The following CDYL2 variants were observed in gnomAD, a reference collection of about 807,000 sequenced individuals.
CDYL2 encodes chromodomain Y-like protein 2.
In CDYL2, 23 loss-of-function variants were observed where a neutral mutation model predicts 49.4. That is an observed-to-expected ratio of 0.47 (90% CI 0.34 to 0.66). The LOEUF (loss-of-function observed/expected upper bound fraction) is 0.66. Ranked by LOEUF, CDYL2 falls within the 30% of genes least tolerant of loss-of-function variation. The pLI is 0.01. For synonymous variants in CDYL2, 360 were observed against 268.8 expected (o/e 1.34, Z -3.32); for missense variants, 678 against 656.4 (o/e 1.03, Z -0.36).
intron 1 of CDYL2, among the ~76,000 whole-genome samples, chr16:80,802,401 T>G (rs1907953665): frequency 6.6e-6 from 1 of 152,216 alleles, no homozygotes; most frequent in South Asian, 2.1e-4. Context: ...CAGTACTGGT[T>G]ACACATAAGG....
chr16:80,663,960 A>G (rs970066087), intron 2 of CDYL2, among the ~76,000 whole-genome samples: 4 of 152,204 alleles, frequency 2.6e-5, no homozygotes, highest in Admixed American at 2.6e-4. Context: ...ATTAAAAGGA[A>G]CTTTTTCTAC....
In CDYL2 at chr16:80,620,778, A is replaced by G. The variant is rs1907044275; in HGVS notation, c.992T>C (p.Ile331Thr). 1.9e-6 allele frequency: 3 copies of G among 1,606,580 alleles called. No homozygotes were observed. The highest frequency in any genetic ancestry group is 2.6e-6 in the Non-Finnish European group (3 of 1,174,814). The change falls in exon 4 of 7, where the codon ATT becomes ACT. Residue 331 changes from isoleucine (I) to threonine (T), a missense_variant. This residue lies in a region of CDYL2 where 47 missense variants were observed against 78.8 expected (regional missense o/e 0.60). Transcript: ENST00000570137. ...SSDRRKESTR[I>T]AEAIRDFVKA... ...CACAGCTCACCTGATGGCTTCTGCA[A>G]TCCGAGTGCTCTCCTTTCGCCGGTC...
chr16:80,727,816 A>G (rs1033448985), intron 1 of CDYL2, among the ~76,000 whole-genome samples: 12 of 152,286 alleles, frequency 7.9e-5, no homozygotes, highest in Admixed American at 6.5e-4. Flanking sequence ...GCCTAACTGA[A>G]AGGCACCCCC....
intron 2 of CDYL2, among the ~76,000 whole-genome samples, chr16:80,656,081 T>A (rs1249457717): frequency 2.0e-5 from 3 of 152,150 alleles, no homozygotes; most frequent in Non-Finnish European, 4.4e-5. Context: ...ATATGAGAAA[T>A]GAGATTCAAT....
chr16:80,690,967 G>A (rs550494517), intron 1 of CDYL2, among the ~76,000 whole-genome samples: 3 of 152,252 alleles, frequency 2.0e-5, no homozygotes, highest in African/African-American at 7.2e-5. Flanking sequence ...GCAGACTGCT[G>A]AAGGGATATC....
intron 1 of CDYL2, among the ~76,000 whole-genome samples, chr16:80,759,162 A>ATATATATATATGGGTTT (rs1567597575): frequency 8.4e-6 from 1 of 118,518 alleles, no homozygotes; most frequent in African/African-American, 3.6e-5. Flanking sequence ...TATATGGTTT[A>ATATATATATATGGGTTT]TATATATATA....
At chr16:80,652,675 A>T (rs1319598972) in intron 2 of CDYL2, among the ~76,000 whole-genome samples, 5 of 152,202 alleles carry the variant, frequency 3.3e-5, no homozygotes, top group Non-Finnish European at 4.4e-5. Context: ...GTCACAGTCA[A>T]CATCAACAGT....
At chr16:80,675,190 C>G (rs1909692737) in intron 2 of CDYL2, among the ~76,000 whole-genome samples, 1 of 152,168 alleles carries the variant, frequency 6.6e-6, no homozygotes, top group South Asian at 2.1e-4. Context: ...AACCTGAATC[C>G]CTGAAGTACC....
intron 2 of CDYL2, among the ~76,000 whole-genome samples, chr16:80,663,741 C>G (rs929283377): frequency 5.3e-5 from 8 of 152,108 alleles, no homozygotes; most frequent in African/African-American, 1.9e-4. Context: ...TACAGGCACC[C>G]ACCACCACAC....
intron 2 of CDYL2, among the ~76,000 whole-genome samples, chr16:80,671,265 T>G (rs1909492175): frequency 1.3e-5 from 2 of 152,094 alleles, no homozygotes; most frequent in Non-Finnish European, 2.9e-5. Context: ...TGGTACAGAG[T>G]TACGGACAAG....
rs1906159435 is a variant in CDYL2 at position 80,752,148 on chromosome 16, T to C, written c.24+52002A>G. The stretch of plus-strand genomic sequence containing the variant: ...ACCAAAAAAACATAGTAACTGGAAT[T>C]AAGAACTCAATAGATAAGTTTAACA... On this transcript the variant is annotated intron_variant, in intron 1 of 6. Coordinates refer to ENST00000570137, the MANE Select transcript of CDYL2 (RefSeq NM_152342.4). Among the ~76,000 whole-genome samples, 4 of 152,052 alleles carry C rather than the reference T, an allele frequency of 2.6e-5. No individual in the cohort carries two copies. The East Asian group carries it at 7.7e-4, about 29-fold the overall frequency.
chr16:80,601,862 C>G lies in CDYL2; in HGVS notation c.*2526G>C, dbSNP rs1906101013. ...CCTTAGAAATGGTTTCACATTCCTA[C>G]CTTAATCTTCAGAGATCCTTGAAAT... On this transcript the variant is annotated 3_prime_UTR_variant, in exon 7 of 7. Transcript: ENST00000570137. 6.6e-6 allele frequency: 1 copy of G among 152,166 alleles called. No homozygotes were observed. The highest frequency in any genetic ancestry group is 1.9e-4 in the East Asian group (1 of 5,196). The allele number at this position is 152,166 out of a possible 1,614,324, so 9.4% of individuals were successfully genotyped here.
intron 1 of CDYL2, among the ~76,000 whole-genome samples, chr16:80,744,746 G>A (rs141126202): frequency 1.3e-5 from 2 of 152,186 alleles, no homozygotes; most frequent in Non-Finnish European, 2.9e-5. Context: ...CACAGCAAAG[G>A]AATTTTCTGG....
intron 1 of CDYL2, among the ~76,000 whole-genome samples, chr16:80,765,151 T>C (rs1335812688): frequency 7.2e-6 from 1 of 138,622 alleles, no homozygotes; most frequent in African/African-American, 2.7e-5. Context: ...TAGTACTATA[T>C]GTTATACAAT....
chr16:80,742,360 A>T (rs1567591769), intron 1 of CDYL2: 1 of 152,088 alleles, frequency 6.6e-6, no homozygotes, highest in Non-Finnish European at 1.5e-5. Context: ...TGACAAATGG[A>T]TGGATGGATG....
intron 3 of CDYL2, 164 bp downstream of exon 3, chr16:80,632,855 T>C (rs907963908): frequency 4.8e-6 from 3 of 623,946 alleles, no homozygotes; most frequent in East Asian, 2.8e-5. Context: ...AATGGGATAA[T>C]GTATGTAAAA....
chr16:80,741,573 A>C (rs1057463551), intron 1 of CDYL2, among the ~76,000 whole-genome samples: 3 of 152,214 alleles, frequency 2.0e-5, no homozygotes, highest in African/African-American at 7.2e-5. Flanking sequence ...GAACATATTA[A>C]TGGAAAAGGT....
chr16:80,648,295 A>G (rs1480369574), intron 2 of CDYL2, among the ~76,000 whole-genome samples: 1 of 152,146 alleles, frequency 6.6e-6, no homozygotes, highest in East Asian at 1.9e-4. Context: ...GACCCAAATT[A>G]ATAACAGAGA....
At chr16:80,648,896 A>G (rs912031985) in intron 2 of CDYL2, among the ~76,000 whole-genome samples, 2 of 152,192 alleles carry the variant, frequency 1.3e-5, no homozygotes, top group African/African-American at 4.8e-5. Context: ...GACAAAAACC[A>G]TATGATTATT....
Sources: gnomAD v4.1 joint callset for allele counts (sites outside exome capture counted in the v4.1 genomes callset) on GRCh38, gnomAD v4.1.1 for gene constraint, gnomAD v4.1.1 regional missense constraint, MANE v1.5 for transcripts, NCBI Gene and HGNC (gene_info 2026-07-23, HGNC 2026-07-21) for gene names.